Variants in CPA6 observed in about 807,000 individuals in gnomAD.
The protein encoded by CPA6 is carboxypeptidase B.
Under a neutral mutation model 63.3 loss-of-function variants are expected in CPA6, and 58 were observed. The observed-to-expected ratio is 0.92, with a 90% confidence interval of 0.74 to 1.14. The LOEUF (loss-of-function observed/expected upper bound fraction) is 1.14, where lower values mean the gene tolerates loss of function less well. CPA6 is among the 50% of genes most tolerant of loss of function. CPA6 has a pLI of 0.00. For synonymous variants in CPA6, 185 were observed against 179.0 expected (o/e 1.03, Z -0.27); for missense variants, 565 against 526.6 (o/e 1.07, Z -0.71).
At chr8:67,581,805 AG>A (rs1396636590) in intron 2 of CPA6, among the ~76,000 whole-genome samples, 1 of 152,236 alleles carries the variant, frequency 6.6e-6, no homozygotes, top group African/African-American at 2.4e-5. Context: ...TGTGAAGTAC[AG>A]GAATAACTGC....
intron 2 of CPA6, among the ~76,000 whole-genome samples, chr8:67,610,036 A>G (rs1388343934): frequency 6.6e-6 from 1 of 151,328 alleles, no homozygotes; most frequent in Non-Finnish European, 1.5e-5. Flanking sequence ...AAACAAAACA[A>G]AACAAAACAA....
chr8:67,649,128 G>A (rs749214358), intron 1 of CPA6, among the ~76,000 whole-genome samples: 7 of 152,024 alleles, frequency 4.6e-5, no homozygotes, highest in African/African-American at 1.2e-4. Context: ...ATGGAAAGAC[G>A]AAAATAACTG....
chr8:67,560,829 C>T (rs1256260478), intron 2 of CPA6, among the ~76,000 whole-genome samples: 1 of 152,132 alleles, frequency 6.6e-6, no homozygotes, highest in African/African-American at 2.4e-5. Context: ...CATCTTTATG[C>T]TCTCCCCTGC....
At chr8:67,517,867 C>G in intron 3 of CPA6, 56 bp downstream of exon 3, 1 of 1,483,832 alleles carries the variant, frequency 6.7e-7, no homozygotes, top group Non-Finnish European at 9.0e-7. Context: ...ATACAACTAC[C>G]ATTTGGTTCA....
intron 1 of CPA6, among the ~76,000 whole-genome samples, chr8:67,702,671 T>C (rs995253641): frequency 2.0e-5 from 3 of 152,240 alleles, no homozygotes; most frequent in Non-Finnish European, 4.4e-5. Context: ...CCAAGAATAC[T>C]TGAATGGTAA....
At chr8:67,629,066 G>C (rs909864976) in intron 1 of CPA6, among the ~76,000 whole-genome samples, 1 of 152,150 alleles carries the variant, frequency 6.6e-6, no homozygotes, top group Non-Finnish European at 1.5e-5. Flanking sequence ...AGTGAGCTGA[G>C]ATCATGCCAC....
intron 3 of CPA6, among the ~76,000 whole-genome samples, chr8:67,515,236 G>C (rs761914146): frequency 1.3e-5 from 2 of 152,122 alleles, no homozygotes; most frequent in African/African-American, 2.4e-5. Flanking sequence ...CGCAGCAAAG[G>C]GTAAGTCACT....
intron 6 of CPA6, among the ~76,000 whole-genome samples, chr8:67,503,812 T>G (rs1811876612): frequency 6.6e-6 from 1 of 152,188 alleles, no homozygotes; most frequent in Admixed American, 6.5e-5. Flanking sequence ...GGTTTACATG[T>G]GCCACGGTGG....
At chr8:67,446,208 G>A (rs1294240736) in intron 8 of CPA6, among the ~76,000 whole-genome samples, 3 of 147,718 alleles carry the variant, frequency 2.0e-5, no homozygotes, top group Admixed American at 2.0e-4. Context: ...AGAGCTTGCA[G>A]TGAGTGGAGA....
At chr8:67,733,705 A>C (rs1357195245) in intron 1 of CPA6, among the ~76,000 whole-genome samples, 2 of 151,734 alleles carry the variant, frequency 1.3e-5, no homozygotes, top group Non-Finnish European at 1.5e-5. Context: ...CATAGTAGGC[A>C]CTCAATGAAT....
chr8:67,440,924 T>C (rs1810281001), intron 8 of CPA6, among the ~76,000 whole-genome samples: 1 of 152,234 alleles, frequency 6.6e-6, no homozygotes, highest in African/African-American at 2.4e-5. Flanking sequence ...TGTGTTTCTC[T>C]GTGTGTCCTC....
chr8:67,608,808 C>T (rs1411420544), intron 2 of CPA6, among the ~76,000 whole-genome samples: 1 of 152,174 alleles, frequency 6.6e-6, no homozygotes, highest in African/African-American at 2.4e-5. Context: ...ATGAGCCACC[C>T]CCTTTGTGAG....
chr8:67,596,122 C>G (rs1436636777), intron 2 of CPA6, among the ~76,000 whole-genome samples: 1 of 152,142 alleles, frequency 6.6e-6, no homozygotes, highest in African/African-American at 2.4e-5. Flanking sequence ...GGGAATTGAT[C>G]TTTTATGTTC....
intron 1 of CPA6, among the ~76,000 whole-genome samples, chr8:67,646,568 A>G (rs1815718836): frequency 6.6e-6 from 1 of 152,222 alleles, no homozygotes; most frequent in Non-Finnish European, 1.5e-5. Context: ...CATCACTGTT[A>G]ACAGGTGAGA....
chr8:67,563,578 G>C (rs1813265826), intron 2 of CPA6, among the ~76,000 whole-genome samples: 1 of 152,158 alleles, frequency 6.6e-6, no homozygotes, highest in Non-Finnish European at 1.5e-5. Context: ...TCTGGAGTTT[G>C]GGTAGGGAGA....
At chr8:67,451,893 A>C (rs1230516010) in intron 8 of CPA6, among the ~76,000 whole-genome samples, 2 of 152,240 alleles carry the variant, frequency 1.3e-5, no homozygotes, top group Non-Finnish European at 2.9e-5. Context: ...GTACTTTAAA[A>C]AATGTTTCCA....
chr8:67,543,367 C>T (rs1812746033), intron 2 of CPA6, among the ~76,000 whole-genome samples: 1 of 152,224 alleles, frequency 6.6e-6, no homozygotes, highest in African/African-American at 2.4e-5. Flanking sequence ...TATCAAGGGG[C>T]TTGGTTTATG....
intron 1 of CPA6, among the ~76,000 whole-genome samples, chr8:67,692,822 T>C (rs1816839752): frequency 6.6e-6 from 1 of 152,214 alleles, no homozygotes; most frequent in Non-Finnish European, 1.5e-5. Context: ...GCACAGATAA[T>C]GAGTGCAAAT....
chr8:67,681,234 G>T (rs549170131), intron 1 of CPA6, among the ~76,000 whole-genome samples: 1 of 65,506 alleles, frequency 1.5e-5, no homozygotes, highest in East Asian at 3.6e-4. Flanking sequence ...ACGGAGTCTC[G>T]CTCTGTCGCC....
Sources: allele counts gnomAD v4.1 joint callset (sites outside exome capture counted in the v4.1 genomes callset), GRCh38; gene constraint gnomAD v4.1.1; transcripts MANE v1.5; gene names NCBI Gene and HGNC (gene_info 2026-07-23, HGNC 2026-07-21).